DPP6: variants seen among roughly 807,000 people sequenced by gnomAD.
The protein encoded by DPP6 is A-type potassium channel modulatory protein DPP6.
A neutral mutation model predicts 122.6 loss-of-function variants in DPP6; 69 were observed. That is an observed-to-expected ratio of 0.56 (90% CI 0.46 to 0.69). DPP6 has a LOEUF of 0.69. Ranked by LOEUF, DPP6 falls within the 30% of genes least tolerant of loss-of-function variation. The probability of loss-of-function intolerance (pLI) is 0.00; values close to 1 mark genes in which losing one functional copy is unlikely to be tolerated. For missense variants in DPP6, 928 were observed against 1,116.9 expected (o/e 0.83, Z 2.41); for synonymous variants, 418 against 433.1 (o/e 0.97, Z 0.43).
intron 1 of DPP6, among the ~76,000 whole-genome samples, chr7:154,272,599 T>A (rs1366408554): frequency 6.6e-6 from 1 of 152,200 alleles, no homozygotes; most frequent in Non-Finnish European, 1.5e-5. Context: ...ATGAGGTTCA[T>A]TTTTAAAATC....
chr7:153,806,001 T>C, the DPP6 span, among the ~76,000 whole-genome samples: 1 of 150,922 alleles, frequency 6.6e-6, no homozygotes, highest in Non-Finnish European at 1.5e-5. Flanking sequence ...TAAAGTATAA[T>C]AAAAAAAAAT....
At chr7:153,889,602 C>T (rs994709269) in intron 1 of DPP6, among the ~76,000 whole-genome samples, 3 of 152,204 alleles carry the variant, frequency 2.0e-5, no homozygotes, top group African/African-American at 7.2e-5. Context: ...TTGCCCTCCC[C>T]CTAACCCCTC....
intron 3 of DPP6, among the ~76,000 whole-genome samples, chr7:154,537,636 G>A (rs1828364596): frequency 6.6e-6 from 1 of 151,858 alleles, no homozygotes; most frequent in Non-Finnish European, 1.5e-5. Context: ...GTTGCAGTGA[G>A]CCGAGATCAT....
intron 1 of DPP6, among the ~76,000 whole-genome samples, chr7:154,232,221 G>A (rs541882545): frequency 5.3e-5 from 8 of 152,274 alleles, no homozygotes; most frequent in African/African-American, 1.9e-4. Context: ...TTAATGGGTA[G>A]GGTACTATCC....
chr7:154,764,282 A>T (rs923101075), intron 8 of DPP6, among the ~76,000 whole-genome samples: 1 of 151,982 alleles, frequency 6.6e-6, no homozygotes, highest in Non-Finnish European at 1.5e-5. Context: ...TATACTAAGG[A>T]CCTCAAGAAT....
chr7:154,742,564 C>T (rs1160932756), intron 8 of DPP6, among the ~76,000 whole-genome samples: 1 of 152,152 alleles, frequency 6.6e-6, no homozygotes, highest in Non-Finnish European at 1.5e-5. Flanking sequence ...TTTTGTTTTA[C>T]GACATTTCGG....
At chr7:154,542,396 G>A (rs1229445617) in intron 4 of DPP6, among the ~76,000 whole-genome samples, 3 of 152,164 alleles carry the variant, frequency 2.0e-5, no homozygotes, top group African/African-American at 7.2e-5. Context: ...GCATTTTAAT[G>A]TCGGAATGTT....
intron 1 of DPP6, among the ~76,000 whole-genome samples, chr7:154,140,409 A>G (rs1360773670): frequency 2.0e-5 from 3 of 152,186 alleles, no homozygotes; most frequent in African/African-American, 7.2e-5. Flanking sequence ...AGTTCATGCC[A>G]CTTGCCTGAT....
chr7:154,061,378 C>T (rs1801846729), intron 1 of DPP6, among the ~76,000 whole-genome samples: 1 of 147,118 alleles, frequency 6.8e-6, no homozygotes, highest in African/African-American at 2.5e-5. Flanking sequence ...AAGATGGCAG[C>T]TGGACTTTTA....
At chr7:154,085,706 T>C (rs1804356856) in intron 1 of DPP6, among the ~76,000 whole-genome samples, 1 of 152,094 alleles carries the variant, frequency 6.6e-6, no homozygotes, top group African/African-American at 2.4e-5. Flanking sequence ...TTTCCTAGTA[T>C]GCTTAGTACT....
chr7:154,439,380 T>C (rs1819170842), intron 1 of DPP6, among the ~76,000 whole-genome samples: 1 of 152,240 alleles, frequency 6.6e-6, no homozygotes, highest in Admixed American at 6.5e-5. Context: ...TGAAAGGGAT[T>C]TCTCTTGGGC....
At chr7:154,288,881 G>A (rs1010124061) in intron 1 of DPP6, among the ~76,000 whole-genome samples, 1 of 152,230 alleles carries the variant, frequency 6.6e-6, no homozygotes, top group Non-Finnish European at 1.5e-5. Flanking sequence ...GAAAGGGAAA[G>A]TTATACTTTA....
intron 1 of DPP6, among the ~76,000 whole-genome samples, chr7:154,212,001 C>G (rs1237985885): frequency 6.6e-6 from 1 of 152,220 alleles, no homozygotes; most frequent in Non-Finnish European, 1.5e-5. Flanking sequence ...CTCATCTCAG[C>G]TGCCCCTCAC....
chr7:154,095,505 A>T (rs991577026), intron 1 of DPP6: 1 of 141,246 alleles, frequency 7.1e-6, no homozygotes, highest in Non-Finnish European at 1.6e-5. Flanking sequence ...GTTTTCAAAT[A>T]ATGTTTTTCC....
intron 1 of DPP6, among the ~76,000 whole-genome samples, chr7:154,378,246 A>G (rs1341679204): frequency 6.6e-6 from 1 of 152,178 alleles, no homozygotes; most frequent in Non-Finnish European, 1.5e-5. Context: ...CTGTCTCCAT[A>G]TCTTACTCTA....
At chr7:154,004,302 G>C (rs1253918371) in intron 1 of DPP6, among the ~76,000 whole-genome samples, 1 of 152,224 alleles carries the variant, frequency 6.6e-6, no homozygotes, top group Non-Finnish European at 1.5e-5. Flanking sequence ...CTACTTCCTG[G>C]GTTCATGGAG....
At chr7:154,290,905 C>T (rs1034891571) in intron 1 of DPP6, among the ~76,000 whole-genome samples, 6 of 152,124 alleles carry the variant, frequency 3.9e-5, no homozygotes, top group Admixed American at 2.6e-4. Flanking sequence ...ATGGATAGAC[C>T]TTCCCCAGTG....
intron 7 of DPP6, among the ~76,000 whole-genome samples, chr7:154,693,815 G>A (rs556246504): frequency 5.3e-5 from 8 of 152,174 alleles, no homozygotes; most frequent in Admixed American, 3.9e-4. Flanking sequence ...CATGTGGCTC[G>A]TGATGAGTCT....
the DPP6 span, among the ~76,000 whole-genome samples, chr7:153,879,489 A>T: frequency 6.6e-6 from 1 of 152,156 alleles, no homozygotes; most frequent in Admixed American, 6.5e-5. Context: ...TCCTAGGTTC[A>T]AGCAATTCTC....
Sources: gnomAD v4.1 joint callset for allele counts (sites outside exome capture counted in the v4.1 genomes callset) on GRCh38, gnomAD v4.1.1 for gene constraint, MANE v1.5 for transcripts, NCBI Gene and HGNC (gene_info 2026-07-23, HGNC 2026-07-21) for gene names.